Variants in FAM227B observed in about 807,000 individuals in gnomAD.
The protein encoded by FAM227B is family with sequence similarity 227 member B.
Under a neutral mutation model 73.8 loss-of-function variants are expected in FAM227B, and 88 were observed. The ratio of observed to expected loss-of-function variants is 1.19; its 90% CI spans 1.00 to 1.42. The LOEUF (loss-of-function observed/expected upper bound fraction) is 1.42, where lower values mean the gene tolerates loss of function less well. FAM227B is among the 40% of genes most tolerant of loss of function. FAM227B has a pLI of 0.00. For synonymous variants in FAM227B, 210 were observed against 190.5 expected, an observed-to-expected ratio of 1.10 and a Z score of -0.84; for missense variants, 632 against 590.9, an observed-to-expected ratio of 1.07 and a Z score of -0.72.
chr15:49,574,981 TA>T (rs1567613085), intron 8 of FAM227B, 29 bp downstream of exon 8: 7 of 1,378,150 alleles, frequency 5.1e-6, no homozygotes, highest in African/African-American at 4.4e-5. Flanking sequence ...AAAATCAACT[TA>T]AAAAATAAAT....
chr15:49,530,513 G>C (rs117472897), intron 10 of FAM227B, among the ~76,000 whole-genome samples: 1,745 of 151,844 alleles, frequency 0.011, 16 homozygotes, highest in Middle Eastern at 0.038. Flanking sequence ...AAATGACTAA[G>C]AGATTCTTTC....
intron 9 of FAM227B, among the ~76,000 whole-genome samples, chr15:49,542,439 G>A (rs1229672936): frequency 3.3e-5 from 5 of 152,036 alleles, no homozygotes; most frequent in Admixed American, 6.6e-5. Context: ...TGAGCAATGT[G>A]CACAGTACCC....
chr15:49,416,802 C>T (rs545987905), intron 11 of FAM227B, among the ~76,000 whole-genome samples: 1 of 146,564 alleles, frequency 6.8e-6, no homozygotes. Flanking sequence ...CACACACAAA[C>T]ACACAAATAC....
intron 11 of FAM227B, among the ~76,000 whole-genome samples, chr15:49,481,293 T>C (rs1161367772): frequency 6.6e-6 from 1 of 152,216 alleles, no homozygotes; most frequent in African/African-American, 2.4e-5. Flanking sequence ...ATTTATTCCA[T>C]TTTGGAGGTA....
chr15:49,523,157 G>A (rs1257316666), intron 10 of FAM227B, among the ~76,000 whole-genome samples: 1 of 152,156 alleles, frequency 6.6e-6, no homozygotes, highest in Non-Finnish European at 1.5e-5. Context: ...AGCTAGAAGA[G>A]ATGCTAGAAG....
At chr15:49,342,521 C>G (rs1171328123) in intron 13 of FAM227B, among the ~76,000 whole-genome samples, 8 of 152,104 alleles carry the variant, frequency 5.3e-5, no homozygotes, top group Admixed American at 6.5e-5. Context: ...AGCATTTAGA[C>G]TGTTTACATT....
chr15:49,364,522 C>G (rs1400328789), intron 13 of FAM227B, among the ~76,000 whole-genome samples: 1 of 151,854 alleles, frequency 6.6e-6, no homozygotes, highest in African/African-American at 2.4e-5. Context: ...AAAAAATGTT[C>G]TTAATATAAT....
chr15:49,426,600 G>A (rs78458957), intron 11 of FAM227B, among the ~76,000 whole-genome samples: 2,746 of 151,922 alleles, frequency 0.018, 33 homozygotes, highest in Non-Finnish European at 0.027. Flanking sequence ...AACTCAGGTA[G>A]TACACATGCA....
chr15:49,489,915 CAGAG>C (rs2056927315), intron 11 of FAM227B, among the ~76,000 whole-genome samples: 1 of 17,326 alleles, frequency 5.8e-5, no homozygotes, highest in Non-Finnish European at 1.8e-4. Context: ...GAGAGAGAGA[CAGAG>C]AGAGAGACAG....
chr15:49,331,591 T>C (rs1468698407), intron 15 of FAM227B, 189 bp downstream of exon 15: 1 of 532,874 alleles, frequency 1.9e-6, no homozygotes, highest in East Asian at 3.0e-5. Flanking sequence ...AATGTGAACA[T>C]GAGTTGTCAC....
chr15:49,507,110 G>A (rs1396852678), intron 11 of FAM227B, among the ~76,000 whole-genome samples: 2 of 149,860 alleles, frequency 1.3e-5, no homozygotes, highest in Non-Finnish European at 3.0e-5. Flanking sequence ...CAATATATAC[G>A]AAGTTTTGGT....
At chr15:49,334,451 C>T (rs1314305809) in intron 14 of FAM227B, 1 of 153,882 alleles carries the variant, frequency 6.5e-6, no homozygotes, top group Non-Finnish European at 1.4e-5. Context: ...AAGAACCCCT[C>T]AGCACATTCC....
At chr15:49,370,889 G>C (rs2045760762) in intron 12 of FAM227B, among the ~76,000 whole-genome samples, 1 of 152,122 alleles carries the variant, frequency 6.6e-6, no homozygotes, top group Non-Finnish European at 1.5e-5. Context: ...TCTACATGTG[G>C]TCAATTATTC....
Position 49,331,812 on chromosome 15 carries a change from T to C in FAM227B, c.1387A>G (p.Lys463Glu), listed in dbSNP as rs1339699833. ...TGTAGGAACTTCTCAAAGTCCTGTTTCACTTCATGAGGTTTCTTGGTAGCC... is the reference window on the plus strand; with the variant it reads ...TGTAGGAACTTCTCAAAGTCCTGTTCCACTTCATGAGGTTTCTTGGTAGCC... ...AKATKKPHEV[K>E]QDFEKFLHKL... Residue 463 changes from lysine (K) to glutamate (E), a missense_variant, in exon 15 of 16, where the codon AAA becomes GAA. Transcript: ENST00000299338. 1.2e-6 allele frequency: 2 copies of C among 1,611,760 alleles called. No homozygotes were observed. The highest frequency in any genetic ancestry group is 1.7e-6 in the Non-Finnish European group (2 of 1,177,922).
chr15:49,351,894 C>G (rs1192521615), intron 13 of FAM227B, among the ~76,000 whole-genome samples: 3 of 152,142 alleles, frequency 2.0e-5, no homozygotes, highest in African/African-American at 7.2e-5. Context: ...TTGTCTATTG[C>G]TATATAACAA....
intron 9 of FAM227B, among the ~76,000 whole-genome samples, chr15:49,568,044 T>C (rs1324985027): frequency 6.6e-6 from 1 of 152,094 alleles, no homozygotes; most frequent in Non-Finnish European, 1.5e-5. Flanking sequence ...AAGGAGATTA[T>C]GTAAGACCTT....
rs367651437 is a variant in FAM227B at position 49,356,115 on chromosome 15, G to A, written c.1271+11333C>T. 2.4e-3 allele frequency among the ~76,000 whole-genome samples: 366 copies of A among 151,646 alleles called. 3 individuals carry two copies. Among genetic ancestry groups the A allele is most frequent in the Middle Eastern group, 0.021 (6 of 288 alleles). On this transcript the variant is annotated intron_variant, in intron 13 of 15. Coordinates refer to ENST00000299338, the MANE Select transcript of FAM227B (RefSeq NM_152647.3). ...GCACTAAACATGGAAAGGAACAACC[G>A]GTACCAGCCGCTGTAAAATCATGCC...
chr15:49,389,585 T>A (rs1342185085), intron 11 of FAM227B, among the ~76,000 whole-genome samples: 2 of 150,102 alleles, frequency 1.3e-5, no homozygotes, highest in African/African-American at 2.5e-5. Context: ...TTCAGCACTA[T>A]GTAATTCATC....
At chr15:49,340,494 T>C (rs1008103366) in intron 13 of FAM227B, among the ~76,000 whole-genome samples, 1 of 147,622 alleles carries the variant, frequency 6.8e-6, no homozygotes, top group Non-Finnish European at 1.5e-5. Flanking sequence ...GGTACCTCAG[T>C]TGGAAATGCA....
Sources: gnomAD v4.1 joint callset for allele counts (sites outside exome capture counted in the v4.1 genomes callset) on GRCh38, gnomAD v4.1.1 for gene constraint, MANE v1.5 for transcripts, NCBI Gene and HGNC (gene_info 2026-07-23, HGNC 2026-07-21) for gene names.